SEC23B: variants seen among roughly 807,000 people sequenced by gnomAD.
The protein encoded by SEC23B is SEC23 homolog B, COPII component, also known as protein transport protein Sec23B.
In SEC23B, 77 loss-of-function variants were observed where a neutral mutation model predicts 104.3. The observed-to-expected ratio is 0.74, with a 90% CI of 0.61 to 0.89. The LOEUF is 0.89. Among genes scored for constraint, SEC23B ranks in the 40% least tolerant of loss-of-function variants. The pLI, the probability that SEC23B is intolerant of heterozygous loss-of-function variation, is 0.00. For missense variants in SEC23B, 885 were observed against 949.4 expected (o/e 0.93, Z 0.89); for synonymous variants, 338 against 332.5 (o/e 1.02, Z -0.18).
At chr20:18,544,144 C>A (rs1227655232) in intron 14 of SEC23B, among the ~76,000 whole-genome samples, 1 of 152,178 alleles carries the variant, frequency 6.6e-6, no homozygotes, top group Non-Finnish European at 1.5e-5. Flanking sequence ...GGAGCCAGCA[C>A]AAGGCAATAA....
At chr20:18,557,379 A>C (rs907204447) in intron 19 of SEC23B, among the ~76,000 whole-genome samples, 2 of 152,036 alleles carry the variant, frequency 1.3e-5, no homozygotes, top group Admixed American at 1.3e-4. Context: ...AGGTCAAGCG[A>C]TCCTCCCACC....
intron 4 of SEC23B, among the ~76,000 whole-genome samples, chr20:18,520,931 A>G (rs2060078321): frequency 6.6e-6 from 1 of 152,054 alleles, no homozygotes; most frequent in Non-Finnish European, 1.5e-5. Flanking sequence ...GGGCTCTGGG[A>G]GTGGCTGCTT....
chr20:18,522,337 A>C (rs953328999), intron 4 of SEC23B, among the ~76,000 whole-genome samples: 2 of 152,222 alleles, frequency 1.3e-5, no homozygotes, highest in African/African-American at 4.8e-5. Flanking sequence ...ATTAAACACC[A>C]AGGGAAGGCT....
Position 18,530,721 on chromosome 20 carries a change from T to C in SEC23B, c.1151T>C (p.Phe384Ser). ...GGAGATTCTTTCAACACTTCTCTCT[T>C]CAAGCAGACATTCCAAAGAATCTTT... is the stretch of plus-strand genomic sequence containing the variant. Reference protein sequence around the residue: ...VMGDSFNTSLFKQTFQRIFTK... With the variant: ...VMGDSFNTSLSKQTFQRIFTK... Residue 384 changes from phenylalanine (F) to serine (S), a missense_variant, in exon 10 of 20, where the codon TTC (phenylalanine) becomes TCC (serine). Transcript: ENST00000650089. 1.9e-6 allele frequency: 3 copies of C among 1,612,952 alleles called. No homozygotes were observed. Among genetic ancestry groups the C allele is most frequent in the Non-Finnish European group, 2.5e-6 (3 of 1,178,906 alleles).
At position 18,542,377 on chromosome 20, in the gene SEC23B, A is replaced by C; in HGVS notation, c.1486A>C (p.Ile496Leu). Reference protein sequence around the residue: ...HYQHSSTQRRIRVTTIARNWA... With the variant: ...HYQHSSTQRRLRVTTIARNWA... ...TCAGCACTCCAGCACCCAGAGACGC[A>C]TCCGCGTGACCACCATCGCCCGAAA... is the stretch of plus-strand genomic sequence containing the variant. Residue 496 changes from isoleucine to leucine, a missense_variant, in exon 13 of 20, where the codon ATC becomes CTC. Coordinates refer to ENST00000650089, the MANE Select transcript of SEC23B (RefSeq NM_006363.6). 6.2e-7 allele frequency: 1 copy of C among 1,614,226 alleles called. No individual in the cohort carries two copies. Among genetic ancestry groups the C allele is most frequent in the Non-Finnish European group, 8.5e-7 (1 of 1,180,030 alleles).
intron 4 of SEC23B, among the ~76,000 whole-genome samples, chr20:18,516,518 T>A (rs377703173): frequency 7.0e-6 from 1 of 143,498 alleles, no homozygotes; most frequent in East Asian, 2.0e-4. Flanking sequence ...TTCTTTTTTT[T>A]AAACATTTTT....
rs780821154 is a variant in SEC23B at position 18,510,943 on chromosome 20, A to G, written c.108A>G (p.Val36=). 16 of 1,613,930 alleles carry G rather than the reference A, an allele frequency of 9.9e-6. No individual in the cohort carries two copies. Among genetic ancestry groups the G allele is most frequent in the African/African-American group, 1.3e-5 (1 of 74,914 alleles). The change falls in exon 2 of 20, where the codon GTA becomes GTG. Residue 36 remains valine (V), a synonymous_variant. Coordinates refer to ENST00000650089, the MANE Select transcript of SEC23B (RefSeq NM_006363.6). ...SSRLEATRMV[V]PLACLLTPLK... Reference sequence around the variant, plus strand: ...GGCTGGAGGCTACAAGAATGGTTGTACCCCTGGCTTGTCTCCTTACTCCTT... The same window carrying G: ...GGCTGGAGGCTACAAGAATGGTTGTGCCCCTGGCTTGTCTCCTTACTCCTT...
At chr20:18,552,491 AAAT>A (rs1179763627) in intron 17 of SEC23B, among the ~76,000 whole-genome samples, 4 of 152,198 alleles carry the variant, frequency 2.6e-5, no homozygotes, top group African/African-American at 9.7e-5. Context: ...AATAATTTTG[AAAT>A]AATAATAAAA....
chr20:18,555,017 A>C (rs2060422679), intron 18 of SEC23B, 91 bp from the exon 19 acceptor site: 10 of 1,154,312 alleles, frequency 8.7e-6, no homozygotes, highest in Non-Finnish European at 1.3e-5. Context: ...TTAACCAAAC[A>C]AATGTTGTAA....
chr20:18,512,725 A>T (rs1409549600), intron 3 of SEC23B, among the ~76,000 whole-genome samples: 1 of 152,172 alleles, frequency 6.6e-6, no homozygotes, highest in Non-Finnish European at 1.5e-5. Flanking sequence ...AACTAGAAGG[A>T]GCTCACAAAT....
At position 18,524,617 on chromosome 20, in the gene SEC23B, C is replaced by T. The variant is rs775848933; in HGVS notation, c.551C>T (p.Ser184Phe). Residue 184 changes from serine (S) to phenylalanine (F), a missense_variant, in exon 5 of 20, where the codon TCC becomes TTC. Physicochemically the swap from Ser to Phe is radical, Grantham distance 155. Coordinates refer to ENST00000650089, the MANE Select transcript of SEC23B (RefSeq NM_006363.6). ...QVHELSCEGI[S>F]KSYVFRGTKD... The stretch of plus-strand genomic sequence containing the variant: ...CATGAGCTAAGCTGTGAAGGAATCT[C>T]CAAAAGTTATGTCTTCCGAGGGACC... 6.2e-7 allele frequency: 1 copy of T among 1,614,172 alleles called. No homozygotes were observed. The highest frequency in any genetic ancestry group is 8.5e-7 in the Non-Finnish European group (1 of 1,180,032).
intron 12 of SEC23B, among the ~76,000 whole-genome samples, chr20:18,540,728 C>T (rs2060279899): frequency 6.6e-6 from 1 of 152,112 alleles, no homozygotes; most frequent in Non-Finnish European, 1.5e-5. Flanking sequence ...TGGTGGTGTA[C>T]GCCTGTAGTC....
intron 2 of SEC23B, among the ~76,000 whole-genome samples, chr20:18,511,411 C>T (rs552375551): frequency 4.6e-5 from 7 of 152,170 alleles, no homozygotes; most frequent in African/African-American, 1.2e-4. Context: ...AAGCTTAGAC[C>T]GTCTTCTCAT....
At chr20:18,510,785 T>A in intron 1 of SEC23B, 37 bp from the exon 2 acceptor site, 1 of 1,483,880 alleles carries the variant, frequency 6.7e-7, no homozygotes, top group Non-Finnish European at 9.4e-7. Context: ...GTTCAGAATT[T>A]CACATACCAT....
At chr20:18,516,697 G>A (rs1453387998) in intron 4 of SEC23B, among the ~76,000 whole-genome samples, 2 of 151,664 alleles carry the variant, frequency 1.3e-5, no homozygotes, top group South Asian at 4.2e-4. Context: ...GATTACAGGC[G>A]CCTGCCACCA....
chr20:18,559,552 G>A (rs1244492313), intron 19 of SEC23B, among the ~76,000 whole-genome samples: 1 of 152,164 alleles, frequency 6.6e-6, no homozygotes, highest in Non-Finnish European at 1.5e-5. Context: ...TGCTGGTTCA[G>A]GTGGGTCAGG....
At chr20:18,545,402 C>T (rs6136403) in intron 14 of SEC23B, among the ~76,000 whole-genome samples, 45,214 of 152,122 alleles carry the variant, frequency 0.3, 7,253 homozygotes, top group Non-Finnish European at 0.36. Flanking sequence ...TTCAAGAAGA[C>T]GAGAACTGCG....
chr20:18,551,021 G>A (rs985967176), intron 16 of SEC23B, 68 bp from the exon 17 acceptor site: 6 of 934,402 alleles, frequency 6.4e-6, no homozygotes, highest in East Asian at 4.8e-5. Flanking sequence ...GATCAGGGTC[G>A]GGTGGAAGTG....
chr20:18,521,269 G>A (rs956272636), intron 4 of SEC23B, among the ~76,000 whole-genome samples: 2 of 152,148 alleles, frequency 1.3e-5, no homozygotes, highest in African/African-American at 4.8e-5. Context: ...GGGTTTAAGG[G>A]CTGGAATCTA....
Sources: gnomAD v4.1 joint callset for allele counts (sites outside exome capture counted in the v4.1 genomes callset) on GRCh38, gnomAD v4.1.1 for gene constraint, MANE v1.5 for transcripts, NCBI Gene and HGNC (gene_info 2026-07-23, HGNC 2026-07-21) for gene names.